CDH12: variants seen among roughly 807,000 people sequenced by gnomAD.
The protein encoded by CDH12 is cadherin 12, also known as cadherin-12.
A neutral mutation model predicts 74.1 loss-of-function variants in CDH12; 41 were observed. The observed-to-expected ratio is 0.55, with a 90% CI of 0.43 to 0.72. The LOEUF is 0.72. Among genes scored for constraint, CDH12 ranks in the 30% least tolerant of loss-of-function variants. The probability of loss-of-function intolerance (pLI) is 0.00; values close to 1 mark genes in which losing one functional copy is unlikely to be tolerated. For missense variants in CDH12, 945 were observed against 977.2 expected, an observed-to-expected ratio of 0.97 and a Z score of 0.44; for synonymous variants, 399 against 355.0, an observed-to-expected ratio of 1.12 and a Z score of -1.39.
intron 4 of CDH12, among the ~76,000 whole-genome samples, chr5:22,086,794 T>C (rs994883808): frequency 6.6e-6 from 1 of 152,276 alleles, no homozygotes; most frequent in African/African-American, 2.4e-5. Context: ...TTTCCAGTAC[T>C]TTATGGCAAG....
intron 1 of CDH12, among the ~76,000 whole-genome samples, chr5:22,783,788 T>C (rs73745212): frequency 4.1e-4 from 63 of 152,250 alleles, no homozygotes; most frequent in African/African-American, 1.4e-3. Context: ...AATGACTTCT[T>C]AAGTACCACA....
At chr5:21,993,043 A>G (rs1316503650) in intron 5 of CDH12, among the ~76,000 whole-genome samples, 1 of 152,048 alleles carries the variant, frequency 6.6e-6, no homozygotes, top group Non-Finnish European at 1.5e-5. Flanking sequence ...CTCACTCACT[A>G]TCAGAACGAT....
At chr5:22,148,273 G>T (rs1747339632) in intron 4 of CDH12, among the ~76,000 whole-genome samples, 1 of 152,130 alleles carries the variant, frequency 6.6e-6, no homozygotes, top group African/African-American at 2.4e-5. Flanking sequence ...TTAAGTATTT[G>T]CTGCATTTCC....
intron 1 of CDH12, among the ~76,000 whole-genome samples, chr5:22,828,684 A>G (rs1036661384): frequency 1.3e-5 from 2 of 152,158 alleles, no homozygotes; most frequent in African/African-American, 4.8e-5. Flanking sequence ...TCTTGCATGG[A>G]TGGATATCAT....
chr5:22,823,852 C>T (rs1749861407), intron 1 of CDH12, among the ~76,000 whole-genome samples: 1 of 152,086 alleles, frequency 6.6e-6, no homozygotes, highest in African/African-American at 2.4e-5. Flanking sequence ...CTGATGCTTC[C>T]CCAGCCTTGC....
chr5:21,761,470 A>T (rs186092509), intron 12 of CDH12, among the ~76,000 whole-genome samples: 151 of 152,268 alleles, frequency 9.9e-4, no homozygotes, highest in African/African-American at 3.3e-3. Context: ...AGGAAGTGTT[A>T]TGTGAGAGAT....
At chr5:22,816,058 T>C (rs975864710) in intron 1 of CDH12, among the ~76,000 whole-genome samples, 2 of 152,192 alleles carry the variant, frequency 1.3e-5, no homozygotes, top group African/African-American at 4.8e-5. Flanking sequence ...GCGATTTTAC[T>C]TGGTTCTTAC....
intron 4 of CDH12, among the ~76,000 whole-genome samples, chr5:22,145,081 CTTTTTGG>C (rs1319832294): frequency 6.6e-6 from 1 of 152,002 alleles, no homozygotes; most frequent in African/African-American, 2.4e-5. Flanking sequence ...AATTAAATTG[CTTTTTGG>C]AAAAGGTGGG....
At chr5:22,480,384 A>T (rs992104347) in intron 2 of CDH12, among the ~76,000 whole-genome samples, 1 of 151,846 alleles carries the variant, frequency 6.6e-6, no homozygotes, top group East Asian at 1.9e-4. Context: ...GGAGTTGGAG[A>T]CCATCCTGGG....
At chr5:22,680,047 T>C (rs1741412069) in intron 1 of CDH12, among the ~76,000 whole-genome samples, 1 of 152,138 alleles carries the variant, frequency 6.6e-6, no homozygotes, top group Non-Finnish European at 1.5e-5. Context: ...CAGTGTCCTT[T>C]GATGAGTGCC....
intron 1 of CDH12, among the ~76,000 whole-genome samples, chr5:22,783,375 C>A (rs1390028757): frequency 1.3e-5 from 2 of 152,080 alleles, no homozygotes; most frequent in South Asian, 2.1e-4. Flanking sequence ...GTTCCCTCGA[C>A]CTTTGCTTAG....
intron 1 of CDH12, among the ~76,000 whole-genome samples, chr5:22,815,217 A>T (rs1357775883): frequency 1.3e-5 from 2 of 152,176 alleles, no homozygotes; most frequent in Non-Finnish European, 2.9e-5. Context: ...CAAAGAAAAA[A>T]AAATGTAATG....
chr5:21,799,781 C>T (rs1215617842), intron 10 of CDH12, among the ~76,000 whole-genome samples: 1 of 152,120 alleles, frequency 6.6e-6, no homozygotes, highest in African/African-American at 2.4e-5. Flanking sequence ...TGATTTTAAA[C>T]ATTGGGATCA....
chr5:21,923,838 G>C (rs1014854599), intron 6 of CDH12, among the ~76,000 whole-genome samples: 1 of 152,240 alleles, frequency 6.6e-6, no homozygotes, highest in East Asian at 1.9e-4. Context: ...CTTTAGATCC[G>C]TTTTTTAAAA....
chr5:21,834,676 C>A (rs1011873926), intron 8 of CDH12, among the ~76,000 whole-genome samples: 2 of 151,902 alleles, frequency 1.3e-5, no homozygotes, highest in Admixed American at 1.3e-4. Flanking sequence ...ATATCATGAA[C>A]TTTGTGTATT....
chr5:22,685,617 C>T (rs1203003481), intron 1 of CDH12, among the ~76,000 whole-genome samples: 1 of 152,140 alleles, frequency 6.6e-6, no homozygotes, highest in East Asian at 1.9e-4. Flanking sequence ...TATCCATTTG[C>T]CTATCCTGGA....
intron 4 of CDH12, among the ~76,000 whole-genome samples, chr5:22,163,004 C>A (rs1748456085): frequency 6.6e-6 from 1 of 151,106 alleles, no homozygotes; most frequent in Admixed American, 6.6e-5. Flanking sequence ...TCATGCCATT[C>A]TCCTGCCTCA....
intron 1 of CDH12, among the ~76,000 whole-genome samples, chr5:22,588,697 A>C (rs1740534102): frequency 6.6e-6 from 1 of 152,204 alleles, no homozygotes; most frequent in Admixed American, 6.5e-5. Context: ...AGATAAGAAT[A>C]ATGCTATCAG....
At chr5:22,529,981 A>G (rs1213341502) in intron 1 of CDH12, among the ~76,000 whole-genome samples, 2 of 152,302 alleles carry the variant, frequency 1.3e-5, no homozygotes, top group East Asian at 1.9e-4. Context: ...ACAGCAAAAC[A>G]GAATATTAAA....
Sources: gnomAD v4.1 joint callset for allele counts (sites outside exome capture counted in the v4.1 genomes callset) on GRCh38, gnomAD v4.1.1 for gene constraint, MANE v1.5 for transcripts, NCBI Gene and HGNC (gene_info 2026-07-23, HGNC 2026-07-21) for gene names.